Variants in SUMF1 observed in about 807,000 individuals in gnomAD.
SUMF1 encodes sulfatase modifying factor 1.
Under a neutral mutation model 47.6 loss-of-function variants are expected in SUMF1, and 48 were observed. The observed-to-expected ratio is 1.01, with a 90% CI of 0.80 to 1.28. The LOEUF is 1.28. Among genes scored for constraint, SUMF1 ranks in the 50% most tolerant of loss-of-function variants. The probability of loss-of-function intolerance (pLI) is 0.00; values close to 1 mark genes in which losing one functional copy is unlikely to be tolerated. For missense variants in SUMF1, 571 were observed against 485.4 expected (o/e 1.18, Z -1.66); for synonymous variants, 230 against 192.1 (o/e 1.20, Z -1.63).
chr3:4,352,607 C>T (rs1204389092), intron 8 of SUMF1, among the ~76,000 whole-genome samples: 2 of 151,902 alleles, frequency 1.3e-5, no homozygotes, highest in Non-Finnish European at 2.9e-5. Context: ...TGACTTGCAC[C>T]GAATACTTGC....
At chr3:4,151,881 T>A (rs1694345051) in intron 8 of SUMF1, among the ~76,000 whole-genome samples, 1 of 151,472 alleles carries the variant, frequency 6.6e-6, no homozygotes, top group African/African-American at 2.5e-5. Flanking sequence ...ATAACTGACC[T>A]TCCCATGTAA....
intron 1 of SUMF1, among the ~76,000 whole-genome samples, chr3:4,457,236 C>T (rs1042790629): frequency 1.7e-4 from 25 of 151,432 alleles, no homozygotes; most frequent in African/African-American, 5.4e-4. Flanking sequence ...GTTACCACAC[C>T]CAGCCAGCAT....
chr3:4,456,719 TATATATACGTGTGTATATATACACAC>T (rs1357397425), intron 1 of SUMF1, among the ~76,000 whole-genome samples: 1 of 134,344 alleles, frequency 7.4e-6, no homozygotes, highest in Non-Finnish European at 1.6e-5. Flanking sequence ...TATATATACA[TATATATACGTGTGTATATATACACAC>T]ATATATACGT....
Position 4,432,639 on chromosome 3 carries a change from T to A in SUMF1, c.520-12493A>T, listed in dbSNP as rs1199592996. ...GAGAGACCATCACCAATCCTATAAA[T>A]AAAAGACCCAAGAGCACAACTGCAT... On this transcript the variant is annotated intron_variant, in intron 3 of 8. Transcript: ENST00000272902. 1.3e-5 allele frequency among the ~76,000 whole-genome samples: 2 copies of A among 152,284 alleles called. 1 individual carries two copies. The highest frequency in any genetic ancestry group is 4.1e-4 in the South Asian group (2 of 4,824).
At chr3:4,109,529 T>G (rs918782865) in intron 8 of SUMF1, among the ~76,000 whole-genome samples, 5 of 152,184 alleles carry the variant, frequency 3.3e-5, no homozygotes, top group African/African-American at 9.7e-5. Flanking sequence ...TTTTCCAACT[T>G]GGTTCCATTC....
In SUMF1 at chr3:4,425,595, T is replaced by G. The variant is rs1575207555; in HGVS notation, c.520-5449A>C. 2.0e-5 allele frequency among the ~76,000 whole-genome samples: 3 copies of G among 152,236 alleles called. No homozygotes were observed. The East Asian group carries it at 5.8e-4, about 30-fold the overall frequency. ...GGGGTGAAGGAAGTATTGGAACATGTGTCACTTCCAAAGACTTCTCAAGAA... is the reference window on the plus strand; with the variant it reads ...GGGGTGAAGGAAGTATTGGAACATGGGTCACTTCCAAAGACTTCTCAAGAA... On this transcript the variant is annotated intron_variant, in intron 3 of 8. Transcript: ENST00000272902.
At chr3:4,236,942 G>A (rs1696422691) in intron 8 of SUMF1, among the ~76,000 whole-genome samples, 1 of 152,008 alleles carries the variant, frequency 6.6e-6, no homozygotes, top group African/African-American at 2.4e-5. Context: ...ATCTTTTACT[G>A]TCTTCATACT....
chr3:4,464,805 A>G (rs887910087), intron 1 of SUMF1, among the ~76,000 whole-genome samples: 1 of 152,234 alleles, frequency 6.6e-6, no homozygotes, highest in Non-Finnish European at 1.5e-5. Flanking sequence ...AGTTTCAGTC[A>G]TTAAGTTCAG....
intron 7 of SUMF1, among the ~76,000 whole-genome samples, chr3:4,382,324 A>G (rs1045607549): frequency 7.6e-6 from 1 of 131,688 alleles, no homozygotes; most frequent in Admixed American, 7.4e-5. Flanking sequence ...ATACATACAC[A>G]CACACATACA....
At chr3:4,296,973 C>T (rs892220636) in intron 8 of SUMF1, among the ~76,000 whole-genome samples, 3 of 152,106 alleles carry the variant, frequency 2.0e-5, no homozygotes, top group South Asian at 2.1e-4. Context: ...CCTTATCACT[C>T]ATCTGCTTTA....
intron 8 of SUMF1, among the ~76,000 whole-genome samples, chr3:4,228,278 A>G (rs1037915173): frequency 6.6e-6 from 1 of 152,152 alleles, no homozygotes; most frequent in Non-Finnish European, 1.5e-5. Context: ...AACTCAAAAC[A>G]TAGTTATCCA....
intron 9 of SUMF1, among the ~76,000 whole-genome samples, chr3:4,046,232 C>T (rs570064564): frequency 6.6e-6 from 1 of 152,264 alleles, no homozygotes; most frequent in South Asian, 2.1e-4. Flanking sequence ...GAAAGGACCC[C>T]TGGCCCAAGT....
chr3:4,068,736 A>G (rs1259122231), exon 9 of SUMF1: 1 of 407,472 alleles, frequency 2.5e-6, no homozygotes, highest in Non-Finnish European at 4.9e-6. Flanking sequence ...GGATCATAGT[A>G]CTCTTGGGAC....
In SUMF1 at chr3:4,392,265, C is replaced by A. The variant is rs143840707; in HGVS notation, c.955-15876G>T. ...TCAATTCTAGAAATTCTACTTGGTT[C>A]TTTTTTTAAAATTTCTATTTGATTC... On this transcript the variant is annotated intron_variant, in intron 7 of 8. Transcript: ENST00000272902. Among the ~76,000 whole-genome samples the A allele has an allele frequency of 6.9e-3, 1,045 of 152,116 alleles. 8 individuals carry two copies. Among genetic ancestry groups the A allele is most frequent in the Non-Finnish European group, 0.011 (759 of 67,970 alleles).
At chr3:4,198,269 A>C (rs1444056) in intron 8 of SUMF1, among the ~76,000 whole-genome samples, 48,452 of 151,880 alleles carry the variant, frequency 0.32, 7,839 homozygotes, top group East Asian at 0.4. Flanking sequence ...AGTTAGACAC[A>C]AAAAAGCTCA....
intron 8 of SUMF1, among the ~76,000 whole-genome samples, chr3:4,142,022 A>T (rs1002664024): frequency 6.6e-6 from 1 of 152,142 alleles, no homozygotes; most frequent in Non-Finnish European, 1.5e-5. Context: ...TGATGTTTAT[A>T]ACTGTGTGCA....
chr3:4,092,580 T>G (rs942280337), intron 8 of SUMF1, among the ~76,000 whole-genome samples: 3 of 152,168 alleles, frequency 2.0e-5, no homozygotes, highest in African/African-American at 7.2e-5. Flanking sequence ...GTTAACCATG[T>G]CATATTCCTA....
chr3:4,423,337 A>G (rs1477872972), intron 3 of SUMF1, among the ~76,000 whole-genome samples: 3 of 152,000 alleles, frequency 2.0e-5, no homozygotes, highest in African/African-American at 7.3e-5. Context: ...ACTCAGCCAT[A>G]AAAGAATGAA....
intron 8 of SUMF1, among the ~76,000 whole-genome samples, chr3:4,138,264 T>C (rs548053773): frequency 3.0e-4 from 46 of 152,280 alleles, no homozygotes; most frequent in Non-Finnish European, 5.4e-4. Flanking sequence ...GAACTCTGTA[T>C]AGTGAAAAGT....
Sources: gnomAD v4.1 joint callset for allele counts (sites outside exome capture counted in the v4.1 genomes callset) on GRCh38, gnomAD v4.1.1 for gene constraint, MANE v1.5 for transcripts, NCBI Gene and HGNC (gene_info 2026-07-23, HGNC 2026-07-21) for gene names.